Variants in TENM4 observed in about 807,000 individuals in gnomAD.
TENM4 encodes the protein teneurin-4.
A neutral mutation model predicts 243.3 loss-of-function variants in TENM4; 82 were observed. The observed-to-expected ratio is 0.34, with a 90% CI of 0.28 to 0.40. TENM4 has a LOEUF of 0.40. Ranked by LOEUF, TENM4 falls within the 10% of genes least tolerant of loss-of-function variation. The probability of loss-of-function intolerance (pLI) is 1.00; values close to 1 mark genes in which losing one functional copy is unlikely to be tolerated. For missense variants in TENM4, 3,138 were observed against 3,673.3 expected (o/e 0.85, Z 3.77); for synonymous variants, 1,412 against 1,456.3 (o/e 0.97, Z 0.69).
intron 1 of TENM4, among the ~76,000 whole-genome samples, chr11:79,432,973 A>T (rs983691487): frequency 6.6e-6 from 1 of 152,006 alleles, no homozygotes; most frequent in Admixed American, 6.6e-5. Flanking sequence ...TTCTTGCCTC[A>T]TTTTCCATCT....
At chr11:78,800,827 T>C (rs1857267611) in intron 15 of TENM4, among the ~76,000 whole-genome samples, 1 of 151,700 alleles carries the variant, frequency 6.6e-6, no homozygotes, top group Non-Finnish European at 1.5e-5. Flanking sequence ...GAGCCAGATG[T>C]GGTTTGAATC....
At chr11:78,833,909 A>T (rs1354839990) in intron 12 of TENM4, among the ~76,000 whole-genome samples, 1 of 152,190 alleles carries the variant, frequency 6.6e-6, no homozygotes, top group Non-Finnish European at 1.5e-5. Flanking sequence ...GTCTATTGGC[A>T]TCTGCTTCCT....
chr11:79,395,064 C>T (rs1858314316), intron 1 of TENM4, among the ~76,000 whole-genome samples: 1 of 152,186 alleles, frequency 6.6e-6, no homozygotes, highest in African/African-American at 2.4e-5. Flanking sequence ...TGTTTTAAAC[C>T]ATTCCATTTG....
chr11:78,692,719 C>T (rs1015295803), intron 28 of TENM4, among the ~76,000 whole-genome samples: 6 of 152,182 alleles, frequency 3.9e-5, no homozygotes, highest in South Asian at 2.1e-4. Flanking sequence ...ACTCTCAGCA[C>T]GTCCTTCTTC....
intron 1 of TENM4, among the ~76,000 whole-genome samples, chr11:79,324,907 T>C (rs1315043704): frequency 1.3e-5 from 2 of 151,790 alleles, no homozygotes; most frequent in Non-Finnish European, 2.9e-5. Flanking sequence ...AGGAGTCAGG[T>C]GAAATGGAAG....
chr11:79,295,914 C>CACACACAT (rs1398545285), intron 2 of TENM4, among the ~76,000 whole-genome samples: 8 of 150,432 alleles, frequency 5.3e-5, no homozygotes, highest in African/African-American at 2.0e-4. Context: ...CACACACACA[C>CACACACAT]ACACACACAC....
intron 23 of TENM4, among the ~76,000 whole-genome samples, chr11:78,725,155 C>A (rs769054778): frequency 6.6e-6 from 1 of 152,222 alleles, no homozygotes; most frequent in East Asian, 1.9e-4. Context: ...TGTGCCAGCA[C>A]CACACAGTTT....
At chr11:79,316,447 T>G (rs1856803565) in intron 1 of TENM4, among the ~76,000 whole-genome samples, 1 of 152,202 alleles carries the variant, frequency 6.6e-6, no homozygotes, top group South Asian at 2.1e-4. Context: ...AATGTAGGTA[T>G]GGACAAGTGA....
intron 4 of TENM4, among the ~76,000 whole-genome samples, chr11:79,142,194 C>T (rs1332129531): frequency 6.6e-6 from 1 of 151,960 alleles, no homozygotes; most frequent in Non-Finnish European, 1.5e-5. Context: ...TCAAATTATC[C>T]TTGTTTGCAG....
intron 6 of TENM4, among the ~76,000 whole-genome samples, chr11:79,009,972 C>A (rs1420093996): frequency 6.6e-6 from 1 of 152,080 alleles, no homozygotes; most frequent in Non-Finnish European, 1.5e-5. Context: ...CTCATGAGAT[C>A]TGACAGTTTT....
At chr11:79,177,102 C>G (rs2135129496) in intron 3 of TENM4, among the ~76,000 whole-genome samples, 1 of 152,142 alleles carries the variant, frequency 6.6e-6, no homozygotes, top group East Asian at 1.9e-4. Flanking sequence ...GACCCGTGGC[C>G]TAGAACAGTT....
intron 1 of TENM4, among the ~76,000 whole-genome samples, chr11:79,388,416 G>C (rs775127499): frequency 6.6e-6 from 1 of 152,170 alleles, no homozygotes; most frequent in African/African-American, 2.4e-5. Context: ...TGCTTTACAA[G>C]TGCCAAGTCA....
chr11:78,861,145 A>G (rs1299745332), intron 10 of TENM4, among the ~76,000 whole-genome samples: 3 of 152,246 alleles, frequency 2.0e-5, no homozygotes, highest in Admixed American at 1.3e-4. Context: ...GTATTAACCC[A>G]TGGCATCTGA....
intron 1 of TENM4, among the ~76,000 whole-genome samples, chr11:79,317,502 C>A (rs1856822361): frequency 6.6e-6 from 1 of 152,114 alleles, no homozygotes; most frequent in African/African-American, 2.4e-5. Context: ...GTGGCTGCCT[C>A]TTACTGGTAG....
At chr11:79,292,171 T>C (rs990982605) in intron 2 of TENM4, among the ~76,000 whole-genome samples, 2 of 152,128 alleles carry the variant, frequency 1.3e-5, no homozygotes, top group Non-Finnish European at 2.9e-5. Context: ...AAGCTCCACA[T>C]GATGAAACAA....
chr11:79,087,373 T>C (rs948886692), intron 4 of TENM4, among the ~76,000 whole-genome samples: 1 of 152,186 alleles, frequency 6.6e-6, no homozygotes, highest in Admixed American at 6.5e-5. Flanking sequence ...ATGAATTCCA[T>C]ATGTTTGAGG....
At chr11:79,338,116 G>A (rs144340324) in intron 1 of TENM4, among the ~76,000 whole-genome samples, 230 of 152,314 alleles carry the variant, frequency 1.5e-3, no homozygotes, top group African/African-American at 5.3e-3. Flanking sequence ...GGTGACTGCT[G>A]CACCCCCACA....
intron 17 of TENM4, among the ~76,000 whole-genome samples, chr11:78,771,465 GA>G (rs773428512): frequency 1.3e-5 from 2 of 152,210 alleles, no homozygotes; most frequent in Non-Finnish European, 2.9e-5. Context: ...TGGCCTATCA[GA>G]ATCTAACCAA....
chr11:78,718,738 G>T (rs1859578953), intron 25 of TENM4, among the ~76,000 whole-genome samples: 1 of 152,200 alleles, frequency 6.6e-6, no homozygotes, highest in Non-Finnish European at 1.5e-5. Flanking sequence ...GAAAATCTCA[G>T]ATTTCAGTGT....
Sources: gnomAD v4.1 joint callset for allele counts (sites outside exome capture counted in the v4.1 genomes callset) on GRCh38, gnomAD v4.1.1 for gene constraint, MANE v1.5 for transcripts, NCBI Gene and HGNC (gene_info 2026-07-23, HGNC 2026-07-21) for gene names.